MDFIC2: variants seen among roughly 807,000 people sequenced by gnomAD.
The protein encoded by MDFIC2 is myoD family inhibitor domain-containing protein 2.
intron 2 of MDFIC2, among the ~76,000 whole-genome samples, chr3:70,263,770 A>G (rs1383857853): frequency 6.6e-6 from 1 of 152,050 alleles, no homozygotes; most frequent in African/African-American, 2.4e-5. Context: ...CCTTCATCTC[A>G]GTAACACTGT....
intron 2 of MDFIC2, among the ~76,000 whole-genome samples, chr3:70,278,030 CCTAT>C (rs1435444217): frequency 2.6e-5 from 4 of 152,094 alleles, no homozygotes; most frequent in Non-Finnish European, 4.4e-5. Context: ...AACGTGTACA[CCTAT>C]CTAACCACCA....
intron 3 of MDFIC2, among the ~76,000 whole-genome samples, chr3:70,200,926 T>C (rs1179047696): frequency 6.6e-6 from 1 of 152,026 alleles, no homozygotes; most frequent in African/African-American, 2.4e-5. Context: ...GTCAACTATT[T>C]TGCCAAAAGC....
intron 2 of MDFIC2, among the ~76,000 whole-genome samples, chr3:70,289,955 A>G (rs1702214592): frequency 6.6e-6 from 1 of 152,000 alleles, no homozygotes; most frequent in African/African-American, 2.4e-5. Context: ...CTAGTTATAC[A>G]TTCTTCTAAA....
rs34480688 is a variant in MDFIC2, at chr3:70,245,671, T to TTATATATATA, written c.89-38891_89-38882dup. Among the ~76,000 whole-genome samples, 38 of 57,232 alleles carry TTATATATATA rather than the reference T, an allele frequency of 6.6e-4. 1 individual carries two copies. Among genetic ancestry groups the TTATATATATA allele is most frequent in the Non-Finnish European group, 1.1e-3 (31 of 29,264 alleles). 37.5% of individuals were successfully genotyped at this position (57,232 alleles called of 152,430 possible). ...TTGCATAACGTTTTTGCAAACTGCT[T>TTATATATATA]TATATATATATATATATATATATAT... On this transcript the variant is annotated intron_variant, in intron 2 of 3. Transcript: ENST00000567252.
intron 2 of MDFIC2, among the ~76,000 whole-genome samples, chr3:70,215,168 A>G (rs1219351892): frequency 6.6e-6 from 1 of 152,138 alleles, no homozygotes; most frequent in Non-Finnish European, 1.5e-5. Flanking sequence ...TGAAGCTCAC[A>G]ACAGTTTTGC....
At chr3:70,210,717 A>AT (rs1701334854) in intron 2 of MDFIC2, among the ~76,000 whole-genome samples, 1 of 152,098 alleles carries the variant, frequency 6.6e-6, no homozygotes, top group African/African-American at 2.4e-5. Flanking sequence ...AGAGAAAATA[A>AT]TTTTTACCAA....
At chr3:70,201,549 C>A (rs1170576801) in intron 3 of MDFIC2, among the ~76,000 whole-genome samples, 1 of 152,154 alleles carries the variant, frequency 6.6e-6, no homozygotes, top group Non-Finnish European at 1.5e-5. Context: ...GAGTTGAGTA[C>A]TATTATGATC....
intron 2 of MDFIC2, chr3:70,291,386 A>G (rs1365349532): frequency 1.3e-5 from 2 of 152,188 alleles, no homozygotes; most frequent in African/African-American, 4.8e-5. Flanking sequence ...TGTTATCATT[A>G]CGATATAACA....
chr3:70,241,009 C>T (rs963960864), intron 2 of MDFIC2, among the ~76,000 whole-genome samples: 2 of 152,060 alleles, frequency 1.3e-5, no homozygotes, highest in East Asian at 1.9e-4. Context: ...TTCATTTTTT[C>T]GTGTCCACCC....
chr3:70,253,712 A>C (rs1448490454), intron 2 of MDFIC2, among the ~76,000 whole-genome samples: 1 of 152,178 alleles, frequency 6.6e-6, no homozygotes, highest in Non-Finnish European at 1.5e-5. Context: ...TACAGTGCAA[A>C]ACCCCAACTC....
rs114408863 is a variant in MDFIC2, at chr3:70,225,860, T to C, written c.89-19070A>G. Among the ~76,000 whole-genome samples, 128 of 152,332 alleles carry C rather than the reference T, an allele frequency of 8.4e-4. 1 individual carries two copies. Among genetic ancestry groups the C allele is most frequent in the African/African-American group, 2.7e-3 (113 of 41,578 alleles). Reference sequence around the variant, plus strand: ...TGAGCTTTGTTTAGACAAACGTTGCTAGTGGAAAGAGTTCTGGCCTCTGAG... The same window carrying C: ...TGAGCTTTGTTTAGACAAACGTTGCCAGTGGAAAGAGTTCTGGCCTCTGAG... On this transcript the variant is annotated intron_variant, in intron 2 of 3. Coordinates refer to ENST00000567252, the MANE Select transcript of MDFIC2 (RefSeq NM_001364677.1).
At chr3:70,204,471 C>G (rs1480085450) in intron 3 of MDFIC2, 1 of 152,118 alleles carries the variant, frequency 6.6e-6, no homozygotes, top group Non-Finnish European at 1.5e-5. Flanking sequence ...CTTTTCCTTT[C>G]TCTTTTATCC....
At chr3:70,216,842 C>T (rs1701416541) in intron 2 of MDFIC2, among the ~76,000 whole-genome samples, 1 of 152,122 alleles carries the variant, frequency 6.6e-6, no homozygotes, top group South Asian at 2.1e-4. Flanking sequence ...ATTGTTATGA[C>T]TGGGCTAGAT....
intron 2 of MDFIC2, among the ~76,000 whole-genome samples, chr3:70,260,493 T>A (rs567647785): frequency 2.6e-5 from 4 of 152,120 alleles, no homozygotes; most frequent in Non-Finnish European, 5.9e-5. Context: ...AACAGCCCCA[T>A]TCCCTATCAT....
chr3:70,249,262 G>GATTC (rs1199754490), intron 2 of MDFIC2: 1 of 152,094 alleles, frequency 6.6e-6, no homozygotes, highest in Non-Finnish European at 1.5e-5. Context: ...GACAGAACTG[G>GATTC]ATTCATTCAT....
intron 2 of MDFIC2, among the ~76,000 whole-genome samples, chr3:70,267,576 G>T (rs202118353): frequency 0.56 from 54,888 of 98,236 alleles, 12,123 homozygotes; most frequent in Non-Finnish European, 0.62. Context: ...CTAATTTTTT[G>T]TATTTTTTTT....
chr3:70,207,389 A>T (rs530439105), intron 2 of MDFIC2, among the ~76,000 whole-genome samples: 2 of 152,050 alleles, frequency 1.3e-5, no homozygotes, highest in Non-Finnish European at 2.9e-5. Flanking sequence ...CTTTGGGGAT[A>T]TGCTTCTTGG....
intron 2 of MDFIC2, among the ~76,000 whole-genome samples, chr3:70,279,734 C>G (rs1322790727): frequency 6.6e-6 from 1 of 152,168 alleles, no homozygotes; most frequent in East Asian, 1.9e-4. Flanking sequence ...TGAGTAGTTG[C>G]CAAGGAGCTG....
intron 2 of MDFIC2, among the ~76,000 whole-genome samples, chr3:70,233,396 A>G (rs973633010): frequency 3.9e-5 from 6 of 152,212 alleles, no homozygotes; most frequent in Non-Finnish European, 7.3e-5. Flanking sequence ...CAATACAGGT[A>G]TCTAATATCT....
Sources: gnomAD v4.1 joint callset for allele counts (sites outside exome capture counted in the v4.1 genomes callset) on GRCh38, gnomAD v4.1.1 for gene constraint, MANE v1.5 for transcripts, NCBI Gene and HGNC (gene_info 2026-07-23, HGNC 2026-07-21) for gene names.